Variants in TNS1 observed in about 807,000 individuals in gnomAD.
TNS1 encodes the protein tensin 1, also known as tensin-1.
In TNS1, 62 loss-of-function variants were observed where a neutral mutation model predicts 168.6. That is an observed-to-expected ratio of 0.37 (90% CI 0.30 to 0.45). The LOEUF is 0.45. Among genes scored for constraint, TNS1 ranks in the 20% least tolerant of loss-of-function variants. The pLI, the probability that TNS1 is intolerant of heterozygous loss-of-function variation, is 1.00. For missense variants in TNS1, 2,240 were observed against 2,339.4 expected, an observed-to-expected ratio of 0.96 and a Z score of 0.88; for synonymous variants, 934 against 933.2, an observed-to-expected ratio of 1.00 and a Z score of -0.02.
intron 3 of TNS1, among the ~76,000 whole-genome samples, chr2:217,956,534 C>A (rs1245353253): frequency 6.6e-6 from 1 of 152,146 alleles, no homozygotes; most frequent in Non-Finnish European, 1.5e-5. Context: ...GCTGGAAAGT[C>A]CTGTGGGATC....
intron 4 of TNS1, among the ~76,000 whole-genome samples, chr2:217,914,665 T>A (rs966083670): frequency 2.0e-5 from 3 of 152,182 alleles, no homozygotes; most frequent in African/African-American, 7.2e-5. Flanking sequence ...TTTGTATTTT[T>A]AGTAGAGACG....
At chr2:217,899,020 G>T (rs906847220) in intron 7 of TNS1, among the ~76,000 whole-genome samples, 17 of 152,224 alleles carry the variant, frequency 1.1e-4, no homozygotes, top group African/African-American at 3.9e-4. Context: ...ACCACAGCGG[G>T]ATAAAGTGGA....
intron 18 of TNS1, among the ~76,000 whole-genome samples, chr2:217,873,574 T>C (rs2125605488): frequency 6.6e-6 from 1 of 152,322 alleles, no homozygotes. Context: ...AGCCAGCCCC[T>C]GGGCTGCCTC....
In TNS1 at chr2:217,815,075, C is replaced by T. The variant is rs191327956; in HGVS notation, c.4643-77G>A. 11 of 1,211,042 alleles carry T rather than the reference C, an allele frequency of 9.1e-6. No homozygotes were observed. The African/African-American group carries it at 1.5e-4, about 16-fold the overall frequency. 75.0% of individuals were successfully genotyped at this position (1,211,042 alleles called of 1,614,324 possible). A position where few individuals can be genotyped will look rare whatever the true frequency, so the allele number is the denominator to read the frequency against. Reference sequence around the variant, plus strand: ...AAACATACATCAAAGTCCTGGCCCCCAGTGCTTGTGAATTTGACCTTATTT... The same window carrying T: ...AAACATACATCAAAGTCCTGGCCCCTAGTGCTTGTGAATTTGACCTTATTT... On this transcript the variant is annotated intron_variant, in intron 24 of 32. Transcript: ENST00000682258.
chr2:217,879,588 A>C, intron 18 of TNS1: 1 of 300,098 alleles, frequency 3.3e-6, no homozygotes, highest in Non-Finnish European at 6.7e-6. Context: ...TGCACGTAAA[A>C]AAATGTGCTC....
At chr2:217,950,553 C>T (rs1012629948) in intron 3 of TNS1, among the ~76,000 whole-genome samples, 13 of 151,158 alleles carry the variant, frequency 8.6e-5, no homozygotes, top group Non-Finnish European at 1.9e-4. Context: ...TGGCGGAACA[C>T]TTGGCTCACA....
chr2:217,865,992 TCTC>T (rs1434802120), intron 18 of TNS1, among the ~76,000 whole-genome samples: 3 of 152,098 alleles, frequency 2.0e-5, no homozygotes, highest in Non-Finnish European at 4.4e-5. Context: ...GAAAGGTTCT[TCTC>T]CTCAACTTTC....
rs1238443472 is a variant in TNS1 at position 217,803,856 on chromosome 2, G to A, written c.*603C>T. The stretch of plus-strand genomic sequence containing the variant: ...GATAAAGGCAGATCTAGATCAATGT[G>A]TGAGGATGTGGGTGCAGACACACAC... On this transcript the variant is annotated 3_prime_UTR_variant, in exon 33 of 33. Coordinates refer to ENST00000682258, the MANE Select transcript of TNS1 (RefSeq NM_001387777.1). 1 of 153,420 alleles carries A rather than the reference G, an allele frequency of 6.5e-6. No homozygotes were observed. Among genetic ancestry groups the A allele is most frequent in the Non-Finnish European group, 1.5e-5 (1 of 68,618 alleles). 9.5% of individuals were successfully genotyped at this position (153,420 alleles called of 1,614,324 possible).
chr2:217,864,169 A>C (rs558898995), intron 18 of TNS1, among the ~76,000 whole-genome samples: 63 of 152,308 alleles, frequency 4.1e-4, no homozygotes, highest in Middle Eastern at 6.8e-3. Context: ...GAGGGTCGGG[A>C]CATATCCACT....
At chr2:217,921,731 G>A (rs1955714545) in intron 3 of TNS1, among the ~76,000 whole-genome samples, 1 of 152,118 alleles carries the variant, frequency 6.6e-6, no homozygotes, top group South Asian at 2.1e-4. Flanking sequence ...GAAGAACAGG[G>A]GGCCGAACAG....
chr2:217,952,269 T>C (rs1271726604), intron 3 of TNS1, among the ~76,000 whole-genome samples: 1 of 152,250 alleles, frequency 6.6e-6, no homozygotes, highest in Non-Finnish European at 1.5e-5. Flanking sequence ...ATTCTAACCC[T>C]ACTTTGTACA....
chr2:217,815,690 C>A (rs1250663840), intron 24 of TNS1, among the ~76,000 whole-genome samples: 7 of 152,310 alleles, frequency 4.6e-5, no homozygotes, highest in Admixed American at 4.6e-4. Flanking sequence ...CTAAAGCCTT[C>A]CTACAGCTTT....
chr2:217,809,985 T>C lies in TNS1; in HGVS notation c.5111A>G (p.Asn1704Ser), dbSNP rs1307417692. The change falls in exon 30 of 33, where the codon AAT becomes AGT. Residue 1704 changes from asparagine (N) to serine (S), a missense_variant. Physicochemically the swap from Asn to Ser is conservative, Grantham distance 46. This residue lies in a region of TNS1 where 2,131 missense variants were observed against 2,171.2 expected (regional missense o/e 0.98). Coordinates refer to ENST00000682258, the MANE Select transcript of TNS1 (RefSeq NM_001387777.1). ...ADLLKQGAAC[N>S]VLFVNSVDME... The stretch of plus-strand genomic sequence containing the variant: ...GTCCACAGAGTTGACGAAGAGCACA[T>C]TGCAGGCTGGAAGAAACCAACCCAA... 2 of 1,610,978 alleles carry C rather than the reference T, an allele frequency of 1.2e-6. No homozygotes were observed. Among genetic ancestry groups the C allele is most frequent in the Admixed American group, 1.7e-5 (1 of 59,834 alleles).
At chr2:217,806,191 T>C (rs1574529566) in intron 32 of TNS1, among the ~76,000 whole-genome samples, 1 of 152,224 alleles carries the variant, frequency 6.6e-6, no homozygotes, top group African/African-American at 2.4e-5. Flanking sequence ...CCCTGATATT[T>C]CTTTCAGCTG....
chr2:217,949,144 C>G (rs890454876), intron 3 of TNS1, among the ~76,000 whole-genome samples: 1 of 152,218 alleles, frequency 6.6e-6, no homozygotes, highest in Non-Finnish European at 1.5e-5. Flanking sequence ...CCGACTCAGC[C>G]TCCAACGCCC....
In TNS1 at chr2:217,986,474, G is replaced by T. The variant is rs1423437703; in HGVS notation, c.148+4468C>A. Reference sequence around the variant, plus strand: ...ATGGCAGCCCTCGGGCTGCTGAGCTGCCATCCTGGTATCTTCCTGTGGGTT... The same window carrying T: ...ATGGCAGCCCTCGGGCTGCTGAGCTTCCATCCTGGTATCTTCCTGTGGGTT... On this transcript the variant is annotated intron_variant, in intron 2 of 32. Transcript: ENST00000682258. The surrounding 1 kb of genome is among the most constrained non-coding windows in gnomAD (Gnocchi z 4.7). Among the ~76,000 whole-genome samples, 1 of 152,216 alleles carries T rather than the reference G, an allele frequency of 6.6e-6. No individual in the cohort carries two copies. Among genetic ancestry groups the T allele is most frequent in the Non-Finnish European group, 1.5e-5 (1 of 68,040 alleles).
chr2:217,975,066 A>T (rs1294110984), intron 3 of TNS1, among the ~76,000 whole-genome samples: 1 of 151,996 alleles, frequency 6.6e-6, no homozygotes, highest in South Asian at 2.1e-4. Context: ...TCATTCATTC[A>T]CTCTTGGGAA....
At chr2:217,838,365 G>C (rs1390160317) in intron 19 of TNS1, among the ~76,000 whole-genome samples, 1 of 152,236 alleles carries the variant, frequency 6.6e-6, no homozygotes, top group Non-Finnish European at 1.5e-5. Flanking sequence ...GGGGTGCAGG[G>C]GGCACCTGAC....
chr2:217,884,985 C>A, intron 16 of TNS1, 50 bp downstream of exon 16: 1 of 1,610,176 alleles, frequency 6.2e-7, no homozygotes, highest in Non-Finnish European at 8.5e-7. Context: ...AACTGAGCTC[C>A]TCTCCCTGCC....
Sources: gnomAD v4.1 joint callset for allele counts (sites outside exome capture counted in the v4.1 genomes callset) on GRCh38, gnomAD v4.1.1 for gene constraint, gnomAD v4.1.1 regional missense constraint, Gnocchi (gnomAD v3.1) non-coding constraint, MANE v1.5 for transcripts, NCBI Gene and HGNC (gene_info 2026-07-23, HGNC 2026-07-21) for gene names.